Variants in BRIP1 observed in about 807,000 individuals in gnomAD.
BRIP1 encodes the protein BRCA1 interacting DNA helicase 1, also known as Fanconi anemia group J protein.
A neutral mutation model predicts 119.7 loss-of-function variants in BRIP1; 88 were observed. That is an observed-to-expected ratio of 0.74 (90% CI 0.62 to 0.88). The LOEUF is 0.88. Among genes scored for constraint, BRIP1 ranks in the 40% least tolerant of loss-of-function variants. The pLI is 0.00. For missense variants in BRIP1, 1,259 were observed against 1,455.4 expected, an observed-to-expected ratio of 0.87 and a Z score of 2.20; for synonymous variants, 443 against 496.5, an observed-to-expected ratio of 0.89 and a Z score of 1.43.
rs2144849871 is a variant in BRIP1, at chr17:61,761,470, C to A, written c.2097+14931G>T. ...AATAGAAAAGAAAAAAGTGAAACTG[C>A]CCCTGTTTGCTGAAGACATAATCTT... is the stretch of plus-strand genomic sequence containing the variant. On this transcript the variant is annotated intron_variant, in intron 14 of 19. Transcript: ENST00000259008. The surrounding 1 kb of genome is among the most constrained non-coding windows in gnomAD (Gnocchi z 6.4). Among the ~76,000 whole-genome samples the A allele has an allele frequency of 6.6e-6, 1 of 151,854 alleles. No individual in the cohort carries two copies. The highest frequency in any genetic ancestry group is 1.9e-4 in the East Asian group (1 of 5,182).
At position 61,799,239 on chromosome 17, in the gene BRIP1, A is replaced by G. The variant is rs756636362; in HGVS notation, c.1201T>C (p.Cys401Arg). The G allele has an allele frequency of 1.2e-6, 2 of 1,613,694 alleles. No homozygotes were observed. The highest frequency in any genetic ancestry group is 4.5e-5 in the East Asian group (2 of 44,870). The change falls in exon 9 of 20, where the codon TGT becomes CGT. Residue 401 changes from cysteine to arginine, a missense_variant. Around this residue, in one of 3 missense-constraint regions of BRIP1, gnomAD observed 501 missense variants for 544.0 expected, o/e 0.92. Coordinates refer to ENST00000259008, the MANE Select transcript of BRIP1 (RefSeq NM_032043.3). This position sits in a 1 kb window ranked among gnomAD's most constrained non-coding sequence, Gnocchi z 5.1. The part of the protein sequence containing the change: ...ILDEAHNIED[C>R]ARESASYSVT... Reference sequence around the variant, plus strand: ...CTGTAACTTGCTGATTCCCGAGCACAGTCCTCGATGTTATGAGCTTCATCT... The same window carrying G: ...CTGTAACTTGCTGATTCCCGAGCACGGTCCTCGATGTTATGAGCTTCATCT...
At chr17:61,765,413 ATATATATATATTTTTTTTTTTTTTTTTT>A (rs1330541105) in intron 14 of BRIP1, among the ~76,000 whole-genome samples, 6 of 14,274 alleles carry the variant, frequency 4.2e-4, no homozygotes, top group African/African-American at 2.2e-3. Flanking sequence ...ATATATATAT[ATATATATATATTTTTTTTTTTTTTTTTT>A]TTTTTTTTTT....
rs934108109 is a variant in BRIP1 at position 61,825,296 on chromosome 17, A to AAAAAGAAAAG, written c.628-16549_628-16540dup. On this transcript the variant is annotated intron_variant, in intron 6 of 19. Transcript: ENST00000259008. The surrounding 1 kb of genome is among the most constrained non-coding windows in gnomAD (Gnocchi z 4.1). Reference sequence around the variant, plus strand: ...CAAGACTCTGTCTCAAAACGAAAAAAAAAAGAAAAGAAAAGAAAAGAAAAG... The same window carrying AAAAAGAAAAG: ...CAAGACTCTGTCTCAAAACGAAAAAAAAAAGAAAAGAAAAGAAAAGAAAAGAAAAGAAAAG... Among the ~76,000 whole-genome samples the AAAAAGAAAAG allele has an allele frequency of 6.6e-6, 1 of 151,838 alleles. No individual in the cohort carries two copies. Among genetic ancestry groups the AAAAAGAAAAG allele is most frequent in the Non-Finnish European group, 1.5e-5 (1 of 67,964 alleles).
Position 61,752,286 on chromosome 17 carries a change from T to C in BRIP1, c.2098-7695A>G, listed in dbSNP as rs1214855026. Among the ~76,000 whole-genome samples the C allele has an allele frequency of 6.6e-6, 1 of 152,174 alleles. No individual in the cohort carries two copies. The highest frequency in any genetic ancestry group is 2.4e-5 in the African/African-American group (1 of 41,440). On this transcript the variant is annotated intron_variant, in intron 14 of 19. Coordinates refer to ENST00000259008, the MANE Select transcript of BRIP1 (RefSeq NM_032043.3). This position sits in a 1 kb window ranked among gnomAD's most constrained non-coding sequence, Gnocchi z 6.2. ...GTTATAACAGGTACATTTAGGCTAC[T>C]AATATAGTAATCCAGAGATGGTGGT...
intron 14 of BRIP1, among the ~76,000 whole-genome samples, chr17:61,772,344 G>A (rs936463448): frequency 4.0e-5 from 6 of 151,640 alleles, no homozygotes; most frequent in African/African-American, 1.5e-4. Flanking sequence ...ATATGAAGTA[G>A]CTACAATAGC....
chr17:61,716,698 C>T (rs1292132715), intron 16 of BRIP1, among the ~76,000 whole-genome samples: 1 of 95,102 alleles, frequency 1.1e-5, no homozygotes, highest in Non-Finnish European at 2.1e-5. Flanking sequence ...TTTAAGACTA[C>T]CACCTTGCTT....
chr17:61,699,763 G>GT lies in BRIP1; in HGVS notation c.2493-6252dup, dbSNP rs1332267827. Among the ~76,000 whole-genome samples the GT allele has an allele frequency of 1.3e-5, 2 of 152,178 alleles. No homozygotes were observed. The highest frequency in any genetic ancestry group is 2.4e-5 in the African/African-American group (1 of 41,438). On this transcript the variant is annotated intron_variant, in intron 17 of 19. Transcript: ENST00000259008. This position sits in a 1 kb window ranked among gnomAD's most constrained non-coding sequence, Gnocchi z 4.8. ...AAGAGTGTCTCACTGTGCCTGAACT[G>GT]TTTGAGTAAACAATATATTAATGCT...
chr17:61,754,061 T>G lies in BRIP1; in HGVS notation c.2098-9470A>C, dbSNP rs1206384049. Among the ~76,000 whole-genome samples, 3 of 152,218 alleles carry G rather than the reference T, an allele frequency of 2.0e-5. No homozygotes were observed. The highest frequency in any genetic ancestry group is 4.4e-5 in the Non-Finnish European group (3 of 68,040). ...ATCTATCATCTAGATTACAGCAGAC[T>G]CCTTAACAGTCACCCTTGCTTCAGC... On this transcript the variant is annotated intron_variant, in intron 14 of 19. Transcript: ENST00000259008. The surrounding 1 kb of genome is among the most constrained non-coding windows in gnomAD (Gnocchi z 4.1).
chr17:61,815,677 T>A lies in BRIP1; in HGVS notation c.628-6920A>T, dbSNP rs534178718. On this transcript the variant is annotated intron_variant, in intron 6 of 19. Transcript: ENST00000259008. This position sits in a 1 kb window ranked among gnomAD's most constrained non-coding sequence, Gnocchi z 4.1. ...AATTCCCACAAAATACACAATAAAT[T>A]TGTGGAGAAGTTGAAATTCATAACC... is the stretch of plus-strand genomic sequence containing the variant. 6.6e-6 allele frequency among the ~76,000 whole-genome samples: 1 copy of A among 152,302 alleles called. No individual in the cohort carries two copies. The highest frequency in any genetic ancestry group is 2.1e-4 in the South Asian group (1 of 4,832).
rs2061679019 is a variant in BRIP1 at position 61,705,528 on chromosome 17, T to C, written c.2492+10423A>G. Among the ~76,000 whole-genome samples, 1 of 152,162 alleles carries C rather than the reference T, an allele frequency of 6.6e-6. No individual in the cohort carries two copies. Among genetic ancestry groups the C allele is most frequent in the South Asian group, 2.1e-4 (1 of 4,826 alleles). On this transcript the variant is annotated intron_variant, in intron 17 of 19. Transcript: ENST00000259008. This position sits in a 1 kb window ranked among gnomAD's most constrained non-coding sequence, Gnocchi z 5.0. ...GCAGCTTAATTTTCATTTCACTGAT[T>C]TCATTATTTTTGTTACAATTCATCA...
rs542608267 is a variant in BRIP1 at position 61,757,425 on chromosome 17, T to C, written c.2098-12834A>G. ...ACTGCCCTAAAGTGAAAGTAAGACCTCTGTTGGCAATCTAACTGGAAATGA... is the reference window on the plus strand; with the variant it reads ...ACTGCCCTAAAGTGAAAGTAAGACCCCTGTTGGCAATCTAACTGGAAATGA... On this transcript the variant is annotated intron_variant, in intron 14 of 19. Coordinates refer to ENST00000259008, the MANE Select transcript of BRIP1 (RefSeq NM_032043.3). The surrounding 1 kb of genome is among the most constrained non-coding windows in gnomAD (Gnocchi z 4.3). Among the ~76,000 whole-genome samples, 1 of 152,154 alleles carries C rather than the reference T, an allele frequency of 6.6e-6. No individual in the cohort carries two copies. The highest frequency in any genetic ancestry group is 2.4e-5 in the African/African-American group (1 of 41,514).
At chr17:61,791,366 G>A (rs541831627) in intron 10 of BRIP1, among the ~76,000 whole-genome samples, 1 of 150,940 alleles carries the variant, frequency 6.6e-6, no homozygotes, top group Non-Finnish European at 1.5e-5. Flanking sequence ...GGGCATGCCT[G>A]TAGTCCCAGC....
In BRIP1 at chr17:61,758,519, C is replaced by T. The variant is rs926281419; in HGVS notation, c.2098-13928G>A. The stretch of plus-strand genomic sequence containing the variant: ...GAAAGAAATTTTTTGGAGAAAGCAT[C>T]GCTTCACAATCTAGTGAATAAGATC... On this transcript the variant is annotated intron_variant, in intron 14 of 19. Coordinates refer to ENST00000259008, the MANE Select transcript of BRIP1 (RefSeq NM_032043.3). The surrounding 1 kb of genome is among the most constrained non-coding windows in gnomAD (Gnocchi z 5.3). Among the ~76,000 whole-genome samples the T allele has an allele frequency of 1.3e-5, 2 of 152,106 alleles. No individual in the cohort carries two copies. The highest frequency in any genetic ancestry group is 1.9e-4 in the East Asian group (1 of 5,196).
rs538374348 is a variant in BRIP1, at chr17:61,700,013, T to C, written c.2493-6501A>G. On this transcript the variant is annotated intron_variant, in intron 17 of 19. Coordinates refer to ENST00000259008, the MANE Select transcript of BRIP1 (RefSeq NM_032043.3). This position sits in a 1 kb window ranked among gnomAD's most constrained non-coding sequence, Gnocchi z 4.1. ...GACTGGCTCCCTAGACTTTGTCCCA[T>C]GCACATGTTTTGTTCTCTTTGCTGA... Among the ~76,000 whole-genome samples, 7 of 152,298 alleles carry C rather than the reference T, an allele frequency of 4.6e-5. No homozygotes were observed. The South Asian group carries it at 1.5e-3, about 32-fold the overall frequency.
chr17:61,751,204 G>GA lies in BRIP1; in HGVS notation c.2098-6614dup, dbSNP rs1199107474. ...GAATATGGATAAACCCATAGTAAGT[G>GA]AAAAAAGCCACTGTATTTTTGTACA... On this transcript the variant is annotated intron_variant, in intron 14 of 19. Transcript: ENST00000259008. The surrounding 1 kb of genome is among the most constrained non-coding windows in gnomAD (Gnocchi z 6.7). Among the ~76,000 whole-genome samples, 1 of 152,090 alleles carries GA rather than the reference G, an allele frequency of 6.6e-6. No individual in the cohort carries two copies. Among genetic ancestry groups the GA allele is most frequent in the African/African-American group, 2.4e-5 (1 of 41,428 alleles).
rs751823379 is a variant in BRIP1, at chr17:61,684,037, T to C, written c.3009A>G (p.Ser1003=). ...FNKQTKRVSW[S]SFNSLGQYFT... ...AATACTGTCCCAAAGAATTAAAGCT[T>C]GACCAGCTAACTCTCTTTGTTTGTT... Residue 1003 remains serine, a synonymous_variant, in exon 20 of 20, where the codon TCA becomes TCG. Coordinates refer to ENST00000259008, the MANE Select transcript of BRIP1 (RefSeq NM_032043.3). The surrounding 1 kb of genome is among the most constrained non-coding windows in gnomAD (Gnocchi z 4.5). 3.1e-6 allele frequency: 5 copies of C among 1,613,944 alleles called. No individual in the cohort carries two copies. The African/African-American group carries it at 5.3e-5, about 17-fold the overall frequency.
At chr17:61,714,882 AC>A (rs1375735821) in intron 17 of BRIP1, among the ~76,000 whole-genome samples, 16 of 149,220 alleles carry the variant, frequency 1.1e-4, no homozygotes, top group African/African-American at 4.0e-4. Context: ...GCTCACTGCA[AC>A]CCCCACCTCC....
intron 16 of BRIP1, among the ~76,000 whole-genome samples, chr17:61,719,173 A>AT (rs1353875551): frequency 7.2e-6 from 1 of 139,270 alleles, no homozygotes; most frequent in African/African-American, 2.5e-5. Flanking sequence ...TTGAAGAGAC[A>AT]TTGCCCCCCC....
In BRIP1 at chr17:61,776,173, C is replaced by G. The variant is rs550687585; in HGVS notation, c.2097+228G>C. ...CTGGGATTACAAGCATGAGCCACCA[C>G]GTCCAGCCTTGCTCTTTCAGACTTT... is the stretch of plus-strand genomic sequence containing the variant. On this transcript the variant is annotated intron_variant, in intron 14 of 19. Coordinates refer to ENST00000259008, the MANE Select transcript of BRIP1 (RefSeq NM_032043.3). The surrounding 1 kb of genome is among the most constrained non-coding windows in gnomAD (Gnocchi z 5.0). The G allele has an allele frequency of 8.8e-5, 45 of 510,172 alleles. No individual in the cohort carries two copies. In the East Asian group the frequency reaches 1.4e-3, roughly 16 times the overall value. The allele number at this position is 510,172 out of a possible 1,614,324, so 31.6% of individuals were successfully genotyped here. A position where few individuals can be genotyped will look rare whatever the true frequency, so the allele number is the denominator to read the frequency against.
Sources: allele counts gnomAD v4.1 joint callset (sites outside exome capture counted in the v4.1 genomes callset), GRCh38; gene constraint gnomAD v4.1.1; regional missense constraint gnomAD v4.1.1; non-coding constraint Gnocchi (gnomAD v3.1); transcripts MANE v1.5; gene names NCBI Gene and HGNC (gene_info 2026-07-23, HGNC 2026-07-21).